The following EYA1 variants were observed in gnomAD, a reference collection of about 807,000 sequenced individuals.
The protein encoded by EYA1 is EYA transcriptional coactivator and phosphatase 1, also known as protein phosphatase EYA1.
In EYA1, 16 loss-of-function variants were observed where a neutral mutation model predicts 82.0. That is an observed-to-expected ratio of 0.20 (90% confidence interval 0.13 to 0.30). The LOEUF (loss-of-function observed/expected upper bound fraction) is 0.30. Among genes scored for constraint, EYA1 ranks in the 10% least tolerant of loss-of-function variants. The pLI, the probability that EYA1 is intolerant of heterozygous loss-of-function variation, is 1.00. For missense variants in EYA1, 633 were observed against 730.7 expected (o/e 0.87, Z 1.54); for synonymous variants, 261 against 264.4 (o/e 0.99, Z 0.12).
intron 1 of EYA1, among the ~76,000 whole-genome samples, chr8:71,541,602 A>T (rs1016781640): frequency 1.3e-5 from 2 of 152,234 alleles, no homozygotes; most frequent in African/African-American, 4.8e-5. Context: ...TGTGAACAAC[A>T]TTAAGAAAAC....
At chr8:71,501,910 G>GT (rs1371932966) in intron 2 of EYA1, among the ~76,000 whole-genome samples, 1 of 152,196 alleles carries the variant, frequency 6.6e-6, no homozygotes. Context: ...TAGAACAACA[G>GT]TAAACATTGT....
rs1826909996 is a variant in EYA1, at chr8:71,356,629, A to C, written c.-54-118T>G. 6 of 1,415,092 alleles carry C rather than the reference A, an allele frequency of 4.2e-6. No homozygotes were observed. In the South Asian group the frequency reaches 8.4e-5, roughly 20 times the overall value. 87.7% of individuals were successfully genotyped at this position (1,415,092 alleles called of 1,614,324 possible). On this transcript the variant is annotated intron_variant, in intron 1 of 17. Transcript: ENST00000340726. The stretch of plus-strand genomic sequence containing the variant: ...GCTCTCTTTTAACCAAAAGAGAAAA[A>C]GGAGGATACTGCAGCAGTGAAAGGC...
chr8:71,506,757 T>C (rs1812222232), intron 2 of EYA1, among the ~76,000 whole-genome samples: 1 of 152,118 alleles, frequency 6.6e-6, no homozygotes, highest in Non-Finnish European at 1.5e-5. Context: ...CTGTGGATAA[T>C]TGCTTTATAA....
intron 9 of EYA1, among the ~76,000 whole-genome samples, chr8:71,274,010 TTC>T (rs1241709353): frequency 2.6e-5 from 4 of 152,240 alleles, no homozygotes; most frequent in Admixed American, 6.5e-5. Context: ...TTAAAATATA[TTC>T]TGTCTTTATT....
intron 2 of EYA1, among the ~76,000 whole-genome samples, chr8:71,476,140 A>G (rs952711039): frequency 1.3e-5 from 2 of 152,086 alleles, no homozygotes; most frequent in Non-Finnish European, 2.9e-5. Context: ...TCCTTCATAT[A>G]CCTTTTAACC....
intron 9 of EYA1, among the ~76,000 whole-genome samples, chr8:71,295,965 A>G (rs1819552362): frequency 1.3e-5 from 2 of 152,326 alleles, no homozygotes; most frequent in South Asian, 4.1e-4. Flanking sequence ...CTAGTTGAAG[A>G]GTAGGCATGA....
chr8:71,343,302 A>T (rs1164646807), intron 3 of EYA1, among the ~76,000 whole-genome samples: 1 of 152,140 alleles, frequency 6.6e-6, no homozygotes, highest in African/African-American at 2.4e-5. Context: ...CAACTGATTT[A>T]GTTGGTGCTA....
intron 7 of EYA1, among the ~76,000 whole-genome samples, chr8:71,312,015 G>A (rs1356603403): frequency 6.6e-6 from 1 of 152,174 alleles, no homozygotes; most frequent in South Asian, 2.1e-4. Context: ...AGTAAGGCTG[G>A]CCCAGTTCAC....
At chr8:71,506,942 A>G (rs1812236310) in intron 2 of EYA1, among the ~76,000 whole-genome samples, 1 of 152,096 alleles carries the variant, frequency 6.6e-6, no homozygotes, top group South Asian at 2.1e-4. Context: ...GAACATATTA[A>G]AAGTTCATAA....
intron 11 of EYA1, among the ~76,000 whole-genome samples, chr8:71,249,309 T>G (rs1031840696): frequency 4.6e-5 from 7 of 152,050 alleles, no homozygotes; most frequent in African/African-American, 1.7e-4. Context: ...CAAGACTGGG[T>G]AATTTATAAA....
chr8:71,260,315 T>G (rs1184638687), intron 11 of EYA1, among the ~76,000 whole-genome samples: 1 of 152,214 alleles, frequency 6.6e-6, no homozygotes. Flanking sequence ...CATTCTGACT[T>G]GGTCTCTACA....
intron 12 of EYA1, among the ~76,000 whole-genome samples, chr8:71,228,036 A>G (rs558866217): frequency 4.5e-4 from 68 of 152,306 alleles, no homozygotes; most frequent in Non-Finnish European, 8.2e-4. Flanking sequence ...AGATTTTTCC[A>G]AGCTGATTTT....
At chr8:71,484,288 T>C (rs1282334608) in intron 2 of EYA1, among the ~76,000 whole-genome samples, 1 of 152,186 alleles carries the variant, frequency 6.6e-6, no homozygotes, top group African/African-American at 2.4e-5. Flanking sequence ...AACATTGGGT[T>C]CACAAAAGTA....
intron 3 of EYA1, among the ~76,000 whole-genome samples, chr8:71,344,324 A>T (rs2129056306): frequency 6.6e-6 from 1 of 152,302 alleles, no homozygotes; most frequent in South Asian, 2.1e-4. Context: ...CAGCAATACA[A>T]CGTTCTCAAT....
rs183026028 is a variant in EYA1, at chr8:71,272,467, G to T, written c.827-570C>A. On this transcript the variant is annotated intron_variant, in intron 9 of 17. Transcript: ENST00000340726. Reference sequence around the variant, plus strand: ...AGAGGCAGATACATGGACAATACCCGTACTCCACACACTGTCCATCACCGG... The same window carrying T: ...AGAGGCAGATACATGGACAATACCCTTACTCCACACACTGTCCATCACCGG... Among the ~76,000 whole-genome samples the T allele has an allele frequency of 3.8e-3, 579 of 152,168 alleles. 19 individuals are homozygous for T. The highest frequency in any genetic ancestry group is 4.3e-4 in the Non-Finnish European group (29 of 68,004).
chr8:71,294,385 G>A (rs1292979273), intron 9 of EYA1, among the ~76,000 whole-genome samples: 6 of 152,020 alleles, frequency 3.9e-5, no homozygotes, highest in Admixed American at 3.9e-4. Context: ...CGTGAACCCC[G>A]GGGGGCGGAG....
intron 2 of EYA1, among the ~76,000 whole-genome samples, chr8:71,515,735 T>C (rs1223329345): frequency 6.6e-6 from 1 of 152,106 alleles, no homozygotes. Context: ...ACAAAAACTT[T>C]TCAACAATAG....
intron 1 of EYA1, among the ~76,000 whole-genome samples, chr8:71,543,907 C>T (rs1317319578): frequency 6.6e-6 from 1 of 152,148 alleles, no homozygotes; most frequent in Non-Finnish European, 1.5e-5. Context: ...CACCCATCTC[C>T]AACCTGTGAC....
intron 11 of EYA1, among the ~76,000 whole-genome samples, chr8:71,253,861 A>T (rs921558801): frequency 2.0e-5 from 3 of 152,252 alleles, no homozygotes; most frequent in African/African-American, 7.2e-5. Flanking sequence ...ATGCAATAAT[A>T]CTGTAGAGCT....
Sources: allele counts gnomAD v4.1 joint callset (sites outside exome capture counted in the v4.1 genomes callset), GRCh38; gene constraint gnomAD v4.1.1; transcripts MANE v1.5; gene names NCBI Gene and HGNC (gene_info 2026-07-23, HGNC 2026-07-21).